Variants in EIF4ENIF1 observed in about 807,000 individuals in gnomAD.
EIF4ENIF1 encodes the protein eukaryotic translation initiation factor 4E transporter.
A neutral mutation model predicts 110.5 loss-of-function variants in EIF4ENIF1; 23 were observed. That is an observed-to-expected ratio of 0.21 (90% CI 0.15 to 0.29). The LOEUF (loss-of-function observed/expected upper bound fraction) is 0.29, where lower values mean the gene tolerates loss of function less well. EIF4ENIF1 is among the 10% of genes least tolerant of loss of function. The pLI is 1.00. For synonymous variants in EIF4ENIF1, 440 were observed against 437.0 expected, an observed-to-expected ratio of 1.01 and a Z score of -0.09; for missense variants, 1,031 against 1,221.1, an observed-to-expected ratio of 0.84 and a Z score of 2.32.
At chr22:31,487,418 G>A (rs2052075080) in intron 2 of EIF4ENIF1, among the ~76,000 whole-genome samples, 2 of 152,192 alleles carry the variant, frequency 1.3e-5, no homozygotes, top group Non-Finnish European at 2.9e-5. Flanking sequence ...GGTAAGAGTA[G>A]TGCACCAGAA....
chr22:31,488,783 AG>A, intron 1 of EIF4ENIF1, 38 bp from the exon 2 acceptor site: 1 of 1,557,786 alleles, frequency 6.4e-7, no homozygotes, highest in Non-Finnish European at 8.6e-7. Flanking sequence ...CACCGAGAAC[AG>A]TAAGTTTTCA....
intron 15 of EIF4ENIF1, chr22:31,444,365 C>A (rs1349424349): frequency 9.0e-6 from 4 of 442,696 alleles, no homozygotes; most frequent in Non-Finnish European, 1.3e-5. Context: ...CCTCGTGTGC[C>A]CTGGCCCATG....
intron 14 of EIF4ENIF1, among the ~76,000 whole-genome samples, chr22:31,445,500 C>A (rs1030906084): frequency 6.6e-6 from 1 of 152,158 alleles, no homozygotes; most frequent in Non-Finnish European, 1.5e-5. Flanking sequence ...ACAACATGGG[C>A]AGACAGATCA....
chr22:31,475,442 C>A (rs1467996587), intron 2 of EIF4ENIF1, among the ~76,000 whole-genome samples: 1 of 151,976 alleles, frequency 6.6e-6, no homozygotes, highest in African/African-American at 2.4e-5. Context: ...CCTGTCTCTA[C>A]AAAAAATATT....
chr22:31,456,910 C>T (rs182097036), intron 7 of EIF4ENIF1, among the ~76,000 whole-genome samples: 29 of 152,324 alleles, frequency 1.9e-4, no homozygotes, highest in Admixed American at 1.8e-3. Flanking sequence ...ACCAAATGTT[C>T]TCAGAGAACA....
intron 2 of EIF4ENIF1, among the ~76,000 whole-genome samples, chr22:31,478,404 T>C (rs2051671918): frequency 6.6e-6 from 1 of 150,416 alleles, no homozygotes; most frequent in Non-Finnish European, 1.5e-5. Context: ...TCCCAGGTAC[T>C]ATTCAGGAGG....
intron 2 of EIF4ENIF1, among the ~76,000 whole-genome samples, chr22:31,483,227 T>C (rs1452343003): frequency 6.7e-6 from 1 of 148,788 alleles, no homozygotes; most frequent in African/African-American, 2.5e-5. Flanking sequence ...TTTTTTTTTT[T>C]TTTTGAGACA....
At chr22:31,448,501 C>T (rs1008485266) in intron 12 of EIF4ENIF1, among the ~76,000 whole-genome samples, 3 of 152,190 alleles carry the variant, frequency 2.0e-5, no homozygotes, top group Non-Finnish European at 4.4e-5. Flanking sequence ...GCTTTCCTAG[C>T]CAGCAGTTTG....
intron 2 of EIF4ENIF1, among the ~76,000 whole-genome samples, chr22:31,479,695 T>G (rs1017558949): frequency 2.0e-4 from 30 of 151,726 alleles, no homozygotes; most frequent in Middle Eastern, 3.4e-3. Flanking sequence ...GTGTTTTTTT[T>G]TTTTTTTTTT....
At chr22:31,473,214 C>T (rs2051450418) in intron 2 of EIF4ENIF1, among the ~76,000 whole-genome samples, 1 of 152,074 alleles carries the variant, frequency 6.6e-6, no homozygotes. Flanking sequence ...CAGAAAATGA[C>T]CTGAGTGAAC....
chr22:31,480,786 C>T (rs546906810), intron 2 of EIF4ENIF1, among the ~76,000 whole-genome samples: 1 of 152,058 alleles, frequency 6.6e-6, no homozygotes, highest in Non-Finnish European at 1.5e-5. Context: ...AGGCAGGGGC[C>T]GGGTGCAGTG....
intron 2 of EIF4ENIF1, among the ~76,000 whole-genome samples, chr22:31,480,520 G>T (rs550997627): frequency 8.1e-4 from 124 of 152,312 alleles, no homozygotes; most frequent in African/African-American, 2.8e-3. Flanking sequence ...CACTTTGGGA[G>T]GGTGAGACGG....
At chr22:31,475,697 T>C (rs994092922) in intron 2 of EIF4ENIF1, among the ~76,000 whole-genome samples, 3 of 145,886 alleles carry the variant, frequency 2.1e-5, no homozygotes, top group African/African-American at 5.1e-5. Flanking sequence ...CACTCCAGCC[T>C]GGGTGACAGA....
intron 7 of EIF4ENIF1, among the ~76,000 whole-genome samples, chr22:31,457,109 G>A (rs919900887): frequency 6.6e-6 from 1 of 152,206 alleles, no homozygotes; most frequent in Non-Finnish European, 1.5e-5. Context: ...CATAAAGACT[G>A]TAATTCCAAG....
At chr22:31,446,452 A>T (rs1234369405) in intron 14 of EIF4ENIF1, among the ~76,000 whole-genome samples, 1 of 152,124 alleles carries the variant, frequency 6.6e-6, no homozygotes, top group Non-Finnish European at 1.5e-5. Flanking sequence ...GTGCTTGTGT[A>T]AGGCTATCTC....
At chr22:31,459,184 T>C (rs2050917724) in intron 6 of EIF4ENIF1, among the ~76,000 whole-genome samples, 1 of 152,104 alleles carries the variant, frequency 6.6e-6, no homozygotes, top group South Asian at 2.1e-4. Context: ...TGCCTTGGCC[T>C]CCCAAAGTGC....
chr22:31,473,386 T>C (rs1183131812), intron 2 of EIF4ENIF1, among the ~76,000 whole-genome samples: 1 of 152,170 alleles, frequency 6.6e-6, no homozygotes, highest in Non-Finnish European at 1.5e-5. Context: ...AATACTTTTT[T>C]CTAATCTACC....
In EIF4ENIF1 at chr22:31,444,684, C is replaced by T; in HGVS notation, c.1995G>A (p.Gln665=). The T allele has an allele frequency of 1.2e-6, 2 of 1,614,058 alleles. No homozygotes were observed. The highest frequency in any genetic ancestry group is 4.5e-5 in the East Asian group (2 of 44,872). ...RTRDGFRNRQ[Q]RVTKSPAPVH... ...CGGGTGCTGGTGACTTGGTCACTCGCTGTTGCCTGTGAACAAACCAATTAT... is the reference window on the plus strand; with the variant it reads ...CGGGTGCTGGTGACTTGGTCACTCGTTGTTGCCTGTGAACAAACCAATTAT... The change falls in exon 15 of 19, where the codon CAG becomes CAA. Residue 665 remains glutamine (Q), a synonymous_variant. Transcript: ENST00000330125.
rs781514396 is a variant in EIF4ENIF1 at position 31,463,699 on chromosome 22, G to C, written c.567C>G (p.Phe189Leu). The change falls in exon 5 of 19, where the codon TTC becomes TTG. Residue 189 changes from phenylalanine to leucine, a missense_variant. Physicochemically the swap from Phe to Leu is conservative, Grantham distance 22. Around this residue, in one of 3 missense-constraint regions of EIF4ENIF1, gnomAD observed 704 missense variants for 879.7 expected, o/e 0.80. Coordinates refer to ENST00000330125, the MANE Select transcript of EIF4ENIF1 (RefSeq NM_019843.4). ...DLRDRDRERD[F>L]KDKRFRREFG... ...GACAAACCCTGAAACGCTTGTCCTT[G>C]AAGTCCCTCTCTCGGTCTCTGTCTC... The C allele has an allele frequency of 2.0e-6, 3 of 1,468,862 alleles. 1 individual carries two copies. In the Admixed American group the frequency reaches 5.2e-5, roughly 26 times the overall value. The allele number at this position is 1,468,862 out of a possible 1,614,324, so 91.0% of individuals were successfully genotyped here.
Sources: allele counts gnomAD v4.1 joint callset (sites outside exome capture counted in the v4.1 genomes callset), GRCh38; gene constraint gnomAD v4.1.1; regional missense constraint gnomAD v4.1.1; transcripts MANE v1.5; gene names NCBI Gene and HGNC (gene_info 2026-07-23, HGNC 2026-07-21).